The following PPP1R1C variants were observed in gnomAD, a reference collection of about 807,000 sequenced individuals.
PPP1R1C encodes protein phosphatase 1 regulatory inhibitor subunit 1C.
A neutral mutation model predicts 17.4 loss-of-function variants in PPP1R1C; 15 were observed. The observed-to-expected ratio is 0.86, with a 90% confidence interval of 0.58 to 1.33. The LOEUF (loss-of-function observed/expected upper bound fraction) is 1.33. Among genes scored for constraint, PPP1R1C ranks in the 40% most tolerant of loss-of-function variants. The pLI, the probability that PPP1R1C is intolerant of heterozygous loss-of-function variation, is 0.00. For missense variants in PPP1R1C, 143 were observed against 130.0 expected (o/e 1.10, Z -0.48); for synonymous variants, 35 against 43.1 (o/e 0.81, Z 0.73).
chr2:182,020,813 A>T (rs1174036069), intron 2 of PPP1R1C, among the ~76,000 whole-genome samples: 1 of 152,150 alleles, frequency 6.6e-6, no homozygotes, highest in Admixed American at 6.5e-5. Flanking sequence ...CTGGCTGTTT[A>T]TGAGTCAGCT....
intron 2 of PPP1R1C, among the ~76,000 whole-genome samples, chr2:182,017,100 A>T (rs1438789599): frequency 6.6e-6 from 1 of 152,186 alleles, no homozygotes; most frequent in Non-Finnish European, 1.5e-5. Flanking sequence ...AACAGGCTTT[A>T]TAAGTTTCTT....
At chr2:182,053,849 C>T (rs1418751347) in intron 2 of PPP1R1C, among the ~76,000 whole-genome samples, 2 of 151,688 alleles carry the variant, frequency 1.3e-5, no homozygotes, top group African/African-American at 4.9e-5. Flanking sequence ...GGTGTGATCT[C>T]AGCTCACCAC....
At chr2:181,980,919 AAGG>A (rs1685180679), upstream of PPP1R1C, among the ~76,000 whole-genome samples, 2 of 151,754 alleles carry the variant, frequency 1.3e-5, no homozygotes, top group African/African-American at 4.8e-5. Flanking sequence ...CAAAACAAAT[AAGG>A]AGAAGTTTTT....
In PPP1R1C at chr2:181,961,126, C is replaced by A; in HGVS notation, n.111+6492C>A. ...ATAGCAGTTTTCTTGTCTTCCTTCC[C>A]TCCCTTCCTTCCTTCCTTTCACCTC... On this transcript the variant is annotated intron_variant and non_coding_transcript_variant, in intron 1 of 5. Transcript: ENST00000464264. The surrounding 1 kb of genome is among the most constrained non-coding windows in gnomAD (Gnocchi z 5.8). The A allele has an allele frequency of 1.7e-6, 1 of 602,156 alleles. No individual in the cohort carries two copies. The highest frequency in any genetic ancestry group is 1.9e-5 in the South Asian group (1 of 53,354). 37.3% of individuals were successfully genotyped at this position (602,156 alleles called of 1,614,324 possible). A position where few individuals can be genotyped will look rare whatever the true frequency, so the allele number is the denominator to read the frequency against.
At chr2:182,126,109 T>C (rs1311059418) in intron 5 of PPP1R1C, among the ~76,000 whole-genome samples, 1 of 152,000 alleles carries the variant, frequency 6.6e-6, no homozygotes, top group Non-Finnish European at 1.5e-5. Flanking sequence ...TATTACAGAG[T>C]TCATTTAATT....
intron 4 of PPP1R1C, among the ~76,000 whole-genome samples, chr2:182,072,738 T>G (rs1263907357): frequency 2.0e-5 from 3 of 152,210 alleles, no homozygotes; most frequent in African/African-American, 7.2e-5. Context: ...TATACCAATG[T>G]TTTTACAAAA....
chr2:181,959,881 A>G (rs754622360), intron 1 of PPP1R1C, among the ~76,000 whole-genome samples: 1 of 152,110 alleles, frequency 6.6e-6, no homozygotes, highest in African/African-American at 2.4e-5. Flanking sequence ...GTATCCAGTT[A>G]ATAATGTTTT....
intron 2 of PPP1R1C, among the ~76,000 whole-genome samples, chr2:181,997,228 CAAA>C (rs61015359): frequency 3.9e-5 from 4 of 102,814 alleles, no homozygotes; most frequent in Admixed American, 9.8e-5. Context: ...GACTCCGTCT[CAAA>C]AAAAAAAAAA....
chr2:182,100,457 C>A (rs1231514999), intron 4 of PPP1R1C, among the ~76,000 whole-genome samples: 1 of 151,440 alleles, frequency 6.6e-6, no homozygotes, highest in African/African-American at 2.4e-5. Flanking sequence ...TTGCAGTGAG[C>A]CGAGATCTCG....
chr2:182,033,776 G>T (rs1686916607), intron 2 of PPP1R1C, among the ~76,000 whole-genome samples: 1 of 152,054 alleles, frequency 6.6e-6, no homozygotes, highest in Admixed American at 6.5e-5. Flanking sequence ...TGCAGAAAAA[G>T]TTCCAAGCTC....
intron 2 of PPP1R1C, among the ~76,000 whole-genome samples, chr2:182,006,749 A>G (rs1404066298): frequency 6.6e-6 from 1 of 152,218 alleles, no homozygotes; most frequent in African/African-American, 2.4e-5. Context: ...TACATGAACC[A>G]TTATTGAAGT....
At chr2:181,956,357 A>G (rs1410193173) in intron 1 of PPP1R1C, among the ~76,000 whole-genome samples, 2 of 152,232 alleles carry the variant, frequency 1.3e-5, no homozygotes, top group Non-Finnish European at 2.9e-5. Context: ...TGCAATAAAC[A>G]TACGTGTGCA....
intron 1 of PPP1R1C, among the ~76,000 whole-genome samples, chr2:181,973,242 G>A (rs1685042851): frequency 6.6e-6 from 1 of 151,986 alleles, no homozygotes; most frequent in African/African-American, 2.4e-5. Flanking sequence ...CGAGACATTT[G>A]CTTTTACTGG....
At chr2:182,023,365 T>C (rs1371951864) in intron 2 of PPP1R1C, among the ~76,000 whole-genome samples, 1 of 151,996 alleles carries the variant, frequency 6.6e-6, no homozygotes, top group East Asian at 1.9e-4. Flanking sequence ...GTGAAATTAC[T>C]GATCTGGATG....
At chr2:182,008,757 T>C (rs1315518816) in intron 2 of PPP1R1C, among the ~76,000 whole-genome samples, 1 of 152,188 alleles carries the variant, frequency 6.6e-6, no homozygotes, top group African/African-American at 2.4e-5. Flanking sequence ...TGCTATCAAA[T>C]ACTAGCTCTT....
intron 2 of PPP1R1C, among the ~76,000 whole-genome samples, chr2:182,015,365 A>G (rs1686230413): frequency 6.6e-6 from 1 of 152,144 alleles, no homozygotes; most frequent in Non-Finnish European, 1.5e-5. Flanking sequence ...CATAATTGTG[A>G]GGCCTCCCTA....
intron 1 of PPP1R1C, among the ~76,000 whole-genome samples, chr2:181,966,872 G>A (rs1217585603): frequency 1.3e-5 from 2 of 152,188 alleles, no homozygotes; most frequent in Non-Finnish European, 1.5e-5. Context: ...AATAGTTTGA[G>A]TAGGATTGGT....
chr2:182,083,531 T>C (rs1308401571), intron 4 of PPP1R1C, among the ~76,000 whole-genome samples: 1 of 152,200 alleles, frequency 6.6e-6, no homozygotes, highest in Non-Finnish European at 1.5e-5. Context: ...TTCCCATTCC[T>C]GAGTCACTTC....
At chr2:182,001,294 A>G (rs1685759491) in intron 2 of PPP1R1C, among the ~76,000 whole-genome samples, 1 of 152,198 alleles carries the variant, frequency 6.6e-6, no homozygotes, top group East Asian at 1.9e-4. Context: ...ACAATTTTGC[A>G]TAATAATGAT....
Sources: gnomAD v4.1 joint callset for allele counts (sites outside exome capture counted in the v4.1 genomes callset) on GRCh38, gnomAD v4.1.1 for gene constraint, Gnocchi (gnomAD v3.1) non-coding constraint, MANE v1.5 for transcripts, NCBI Gene and HGNC (gene_info 2026-07-23, HGNC 2026-07-21) for gene names.